The following LRP2 variants were observed in gnomAD, a reference collection of about 807,000 sequenced individuals.
LRP2 encodes the protein LDL receptor related protein 2.
LRP2 carries 172 observed loss-of-function variants against 531.0 expected under a neutral mutation model. The ratio of observed to expected loss-of-function variants is 0.32; its 90% confidence interval spans 0.29 to 0.37. The LOEUF is 0.37. LRP2 is among the 10% of genes least tolerant of loss of function. LRP2 has a pLI of 1.00. For missense variants in LRP2, 5,167 were observed against 5,868.3 expected (o/e 0.88, Z 3.90); for synonymous variants, 1,992 against 2,027.6 (o/e 0.98, Z 0.47).
At position 169,213,729 on chromosome 2, in the gene LRP2, T is replaced by A. The variant is rs1688679043; in HGVS notation, c.5968A>T (p.Thr1990Ser). The A allele has an allele frequency of 6.2e-7, 1 of 1,613,712 alleles. No individual in the cohort carries two copies. Among genetic ancestry groups the A allele is most frequent in the Admixed American group, 1.7e-5 (1 of 59,968 alleles). Residue 1990 changes from threonine to serine, a missense_variant, in exon 36 of 79, where the codon ACT (threonine) becomes TCT (serine). Physicochemically the swap from Thr to Ser is moderately conservative, Grantham distance 58. Around this residue, in one of 6 missense-constraint regions of LRP2, gnomAD observed 2,811 missense variants for 3,058.0 expected, o/e 0.92. Transcript: ENST00000649046. ...YEVIERVDKA[T>S]GANKIVLRDN... ...CTCAAGACTATTTTGTTGGCCCCAGTGGCCTTATCAACTCTTTCAATGACC... is the reference window on the plus strand; with the variant it reads ...CTCAAGACTATTTTGTTGGCCCCAGAGGCCTTATCAACTCTTTCAATGACC...
At chr2:169,327,784 C>T (rs1435752118) in intron 1 of LRP2, among the ~76,000 whole-genome samples, 3 of 117,322 alleles carry the variant, frequency 2.6e-5, no homozygotes, top group African/African-American at 6.7e-5. Flanking sequence ...CCCGGCCAGC[C>T]GCCCCGTCTG....
chr2:169,281,418 A>G (rs935908519), intron 10 of LRP2, among the ~76,000 whole-genome samples: 6 of 144,914 alleles, frequency 4.1e-5, no homozygotes, highest in African/African-American at 1.6e-4. Flanking sequence ...GCAAGACTCC[A>G]TCTCAAAAAT....
intron 65 of LRP2, among the ~76,000 whole-genome samples, chr2:169,155,970 CT>C (rs1418561639): frequency 6.6e-6 from 1 of 152,120 alleles, no homozygotes; most frequent in Non-Finnish European, 1.5e-5. Context: ...AAGATGACAT[CT>C]TGTCCACTTT....
intron 1 of LRP2, among the ~76,000 whole-genome samples, chr2:169,345,006 G>A (rs1357316087): frequency 3.3e-5 from 5 of 152,166 alleles, no homozygotes; most frequent in Non-Finnish European, 5.9e-5. Context: ...AATCTTAAGA[G>A]TACAATTTAC....
intron 31 of LRP2, among the ~76,000 whole-genome samples, chr2:169,229,639 G>A (rs1287343203): frequency 6.6e-6 from 1 of 152,160 alleles, no homozygotes; most frequent in Non-Finnish European, 1.5e-5. Flanking sequence ...GTCTCATACA[G>A]AGAAAGCACT....
intron 77 of LRP2, among the ~76,000 whole-genome samples, chr2:169,132,105 A>G (rs1685312838): frequency 6.6e-6 from 1 of 152,196 alleles, no homozygotes; most frequent in African/African-American, 2.4e-5. Context: ...ATGGATGATG[A>G]ATGGAAAAAT....
At chr2:169,264,995 C>T (rs898560459) in intron 16 of LRP2, among the ~76,000 whole-genome samples, 2 of 152,040 alleles carry the variant, frequency 1.3e-5, no homozygotes, top group Non-Finnish European at 2.9e-5. Context: ...CCTCAGCTCC[C>T]TTTCCTCTGC....
intron 67 of LRP2, among the ~76,000 whole-genome samples, chr2:169,151,423 C>T (rs1686118709): frequency 6.6e-6 from 1 of 152,152 alleles, no homozygotes; most frequent in African/African-American, 2.4e-5. Flanking sequence ...TGGCCTCTGA[C>T]TGGCATTATT....
chr2:169,142,626 C>T lies in LRP2; in HGVS notation c.13108+48G>A, dbSNP rs767194352. The T allele has an allele frequency of 8.7e-6, 14 of 1,610,038 alleles. 1 individual carries two copies. In the Middle Eastern group the frequency reaches 5.3e-4, roughly 61 times the overall value. On this transcript the variant is annotated intron_variant, in intron 71 of 78. Coordinates refer to ENST00000649046, the MANE Select transcript of LRP2 (RefSeq NM_004525.3). ...GGATTCTTCTGACTCCTGAAGGCAG[C>T]AGAGGAGTGCTCCCAGGCCCCCATA... is the stretch of plus-strand genomic sequence containing the variant.
At chr2:169,182,842 C>T (rs1443790752) in intron 50 of LRP2, among the ~76,000 whole-genome samples, 1 of 152,160 alleles carries the variant, frequency 6.6e-6, no homozygotes, top group African/African-American at 2.4e-5. Context: ...AGTTTCTCAA[C>T]CTGAGACACA....
intron 52 of LRP2, among the ~76,000 whole-genome samples, chr2:169,180,919 T>C (rs1210749579): frequency 3.3e-5 from 5 of 152,220 alleles, no homozygotes; most frequent in Non-Finnish European, 7.3e-5. Context: ...ACTTAAAAAT[T>C]ATCCTATTAC....
At position 169,239,774 on chromosome 2, in the gene LRP2, A is replaced by C; in HGVS notation, c.4047T>G (p.Asn1349Lys). Residue 1349 changes from asparagine (N) to lysine (K), a missense_variant and splice_region_variant, in exon 26 of 79, where the codon AAT becomes AAG. Coordinates refer to ENST00000649046, the MANE Select transcript of LRP2 (RefSeq NM_004525.3). ...CATTGAAATCTGAGCAGCTGTTCCC[A>C]TCTAGAAAAAAGAAAGAGAATAATG... is the stretch of plus-strand genomic sequence containing the variant. ...PNGTDESPLCNGNSCSDFNGG... is the reference protein window; with the variant it reads ...PNGTDESPLCKGNSCSDFNGG... The C allele has an allele frequency of 1.9e-6, 3 of 1,613,606 alleles. No homozygotes were observed. Among genetic ancestry groups the C allele is most frequent in the Non-Finnish European group, 2.5e-6 (3 of 1,179,530 alleles).
chr2:169,318,927 C>A, intron 2 of LRP2, 43 bp from the exon 3 acceptor site: 1 of 1,612,454 alleles, frequency 6.2e-7, no homozygotes, highest in Non-Finnish European at 8.5e-7. Flanking sequence ...AATCATCCTC[C>A]CCATTATACT....
chr2:169,155,605 T>C (rs543495271), intron 65 of LRP2, among the ~76,000 whole-genome samples: 31 of 152,182 alleles, frequency 2.0e-4, no homozygotes, highest in Non-Finnish European at 3.5e-4. Context: ...GACCCATGCC[T>C]CTTAACTAGG....
chr2:169,314,382 C>T (rs2105506333), intron 3 of LRP2, among the ~76,000 whole-genome samples: 1 of 151,432 alleles, frequency 6.6e-6, no homozygotes, highest in East Asian at 1.9e-4. Context: ...ATAATCATGC[C>T]ACTGCACTCC....
At chr2:169,142,852 A>T in intron 70 of LRP2, 59 bp from the exon 71 acceptor site, 1 of 1,603,502 alleles carries the variant, frequency 6.2e-7, no homozygotes, top group South Asian at 1.1e-5. Flanking sequence ...CTGAATACCC[A>T]GCAACTGGAA....
Position 169,237,169 on chromosome 2 carries a change from T to C in LRP2, c.4625A>G (p.His1542Arg), listed in dbSNP as rs1478736481. ...TIEVSKIDGS[H>R]RTVLISKNLT... ...GTTTTTACTAATCAGCACAGTCCTG[T>C]GGCTCCCATCAATTTTGGAGACTTC... Residue 1542 changes from histidine to arginine, a missense_variant, in exon 28 of 79, where the codon CAC (histidine) becomes CGC (arginine). His to Arg is a conservative substitution (Grantham distance 29). Around this residue, in one of 6 missense-constraint regions of LRP2, gnomAD observed 2,811 missense variants for 3,058.0 expected, o/e 0.92. Coordinates refer to ENST00000649046, the MANE Select transcript of LRP2 (RefSeq NM_004525.3). The C allele has an allele frequency of 6.2e-7, 1 of 1,614,046 alleles. No homozygotes were observed. Among genetic ancestry groups the C allele is most frequent in the Non-Finnish European group, 8.5e-7 (1 of 1,179,934 alleles).
At chr2:169,231,465 T>C (rs1574158405) in intron 31 of LRP2, among the ~76,000 whole-genome samples, 1 of 152,104 alleles carries the variant, frequency 6.6e-6, no homozygotes, top group South Asian at 2.1e-4. Flanking sequence ...TGTACCCAGG[T>C]GAGAGAAAAT....
intron 53 of LRP2, 21 bp from the exon 54 acceptor site, chr2:169,176,609 T>C: frequency 6.2e-7 from 1 of 1,610,464 alleles, no homozygotes; most frequent in African/African-American, 1.3e-5. Context: ...AGGAAGAAAA[T>C]ATGTGTTCAT....
Sources: gnomAD v4.1 joint callset for allele counts (sites outside exome capture counted in the v4.1 genomes callset) on GRCh38, gnomAD v4.1.1 for gene constraint, gnomAD v4.1.1 regional missense constraint, MANE v1.5 for transcripts, NCBI Gene and HGNC (gene_info 2026-07-23, HGNC 2026-07-21) for gene names.